The following PBRM1 variants were observed in gnomAD, a reference collection of about 807,000 sequenced individuals.
The protein encoded by PBRM1 is protein polybromo-1.
A neutral mutation model predicts 194.5 loss-of-function variants in PBRM1; 27 were observed. That is an observed-to-expected ratio of 0.14 (90% CI 0.10 to 0.19). PBRM1 has a LOEUF of 0.19. Ranked by LOEUF, PBRM1 falls within the 10% of genes least tolerant of loss-of-function variation. The pLI is 1.00. For missense variants in PBRM1, 1,466 were observed against 2,077.2 expected (o/e 0.71, Z 5.72); for synonymous variants, 655 against 693.2 (o/e 0.94, Z 0.87).
chr3:52,563,939 T>C, intron 23 of PBRM1, 111 bp downstream of exon 25: 1 of 649,038 alleles, frequency 1.5e-6, no homozygotes, highest in South Asian at 2.2e-5. Context: ...CTATTTGAAA[T>C]ATTTACTACT....
chr3:52,563,559 T>C, intron 23 of PBRM1, 66 bp from the exon 26 acceptor site: 2 of 1,119,980 alleles, frequency 1.8e-6, no homozygotes, highest in East Asian at 2.4e-5. Context: ...CGGAAAGCAG[T>C]GTTCCACCTT....
At chr3:52,567,918 G>C (rs1202775794) in intron 22 of PBRM1, among the ~76,000 whole-genome samples, 1 of 151,228 alleles carries the variant, frequency 6.6e-6, no homozygotes, top group East Asian at 1.9e-4. Context: ...CAAACTGCTG[G>C]GATTACAGGT....
At chr3:52,565,495 G>A (rs1368654199) in intron 22 of PBRM1, among the ~76,000 whole-genome samples, 14 of 150,392 alleles carry the variant, frequency 9.3e-5, no homozygotes, top group African/African-American at 3.4e-4. Context: ...GCAATAGAGC[G>A]AGACTCAGTC....
chr3:52,663,925 T>C (rs1420569184), intron 3 of PBRM1, among the ~76,000 whole-genome samples: 4 of 152,018 alleles, frequency 2.6e-5, no homozygotes, highest in Middle Eastern at 6.8e-3. Context: ...CTGGGTGTGG[T>C]GGTGGGTGCC....
intron 16 of PBRM1, among the ~76,000 whole-genome samples, chr3:52,606,722 ATAAT>A (rs2094366523): frequency 1.3e-5 from 2 of 152,368 alleles, no homozygotes; most frequent in South Asian, 4.1e-4. Flanking sequence ...GCAAAAGGAA[ATAAT>A]TAAGAATACA....
In PBRM1 at chr3:52,609,470, A is replaced by C; in HGVS notation, c.2410T>G (p.Leu804Val). 1.2e-6 allele frequency: 2 copies of C among 1,613,924 alleles called. No individual in the cohort carries two copies. The highest frequency in any genetic ancestry group is 1.7e-6 in the Non-Finnish European group (2 of 1,179,780). The change falls in exon 16 of 30, where the codon TTA (leucine) becomes GTA (valine). Residue 804 changes from leucine (L) to valine (V), a missense_variant. Transcript: ENST00000296302. The surrounding 1 kb of genome is among the most constrained non-coding windows in gnomAD (Gnocchi z 4.1). The stretch of plus-strand genomic sequence containing the variant: ...GGATCCACAGCAGGAATTTCTGCTA[A>C]AGAATCGCTGTAGCATCTTCCCTCA...
At chr3:52,638,069 AAATCAT>A (rs1451705777) in intron 10 of PBRM1, among the ~76,000 whole-genome samples, 1 of 152,194 alleles carries the variant, frequency 6.6e-6, no homozygotes, top group Admixed American at 6.5e-5. Flanking sequence ...TCTGCTGAGC[AAATCAT>A]ATGATTTTAC....
At chr3:52,610,343 T>A (rs1242086646) in intron 15 of PBRM1, among the ~76,000 whole-genome samples, 4 of 152,220 alleles carry the variant, frequency 2.6e-5, no homozygotes, top group Non-Finnish European at 5.9e-5. Context: ...ATTGAAAGTA[T>A]CACTATGAAC....
At chr3:52,612,926 T>C (rs1461801978) in intron 15 of PBRM1, among the ~76,000 whole-genome samples, 7 of 145,818 alleles carry the variant, frequency 4.8e-5, no homozygotes, top group Non-Finnish European at 9.0e-5. Context: ...AAAAAAAGAG[T>C]ATAATAATCA....
At chr3:52,640,485 G>A (rs2096030161) in intron 10 of PBRM1, among the ~76,000 whole-genome samples, 1 of 152,004 alleles carries the variant, frequency 6.6e-6, no homozygotes, top group Non-Finnish European at 1.5e-5. Flanking sequence ...TGCCCAGGCT[G>A]GTCTTGAACT....
chr3:52,591,505 GTCTT>G (rs1157510750), intron 17 of PBRM1, among the ~76,000 whole-genome samples: 8 of 114,088 alleles, frequency 7.0e-5, no homozygotes, highest in Non-Finnish European at 1.1e-4. Context: ...TGTAGTTTTT[GTCTT>G]TGTTTTTTTT....
chr3:52,586,913 A>G (rs995229234), intron 19 of PBRM1, among the ~76,000 whole-genome samples: 1 of 152,206 alleles, frequency 6.6e-6, no homozygotes, highest in South Asian at 2.1e-4. Flanking sequence ...AATTATAAAA[A>G]CAAATAATTC....
intron 10 of PBRM1, among the ~76,000 whole-genome samples, chr3:52,635,729 T>C (rs1017452138): frequency 3.9e-5 from 6 of 152,206 alleles, no homozygotes; most frequent in Admixed American, 1.3e-4. Context: ...CTTTCTGAAA[T>C]GTGCTTTCTT....
exon 19 of PBRM1, chr3:52,587,473 T>G: frequency 1.9e-6 from 3 of 1,612,814 alleles, no homozygotes; most frequent in Non-Finnish European, 2.5e-6. Flanking sequence ...ATGTTTCATT[T>G]GGTCGGTAAA....
chr3:52,594,638 C>A (rs1395730863), intron 17 of PBRM1, among the ~76,000 whole-genome samples: 2 of 152,124 alleles, frequency 1.3e-5, no homozygotes, highest in Non-Finnish European at 2.9e-5. Flanking sequence ...GTGTTGTTAG[C>A]TGGAAGCAAT....
intron 18 of PBRM1, 85 bp downstream of exon 20, chr3:52,588,985 A>C (rs2092744992): frequency 2.3e-6 from 2 of 877,636 alleles, no homozygotes; most frequent in African/African-American, 1.7e-5. Flanking sequence ...AAGATGTCTG[A>C]GTTAAAATTT....
At chr3:52,565,570 G>T (rs939257157) in intron 22 of PBRM1, among the ~76,000 whole-genome samples, 1 of 150,398 alleles carries the variant, frequency 6.6e-6, no homozygotes, top group African/African-American at 2.4e-5. Flanking sequence ...ATACTATCAA[G>T]AAAGTGAAAA....
chr3:52,660,336 A>T (rs985463596), intron 4 of PBRM1, among the ~76,000 whole-genome samples: 1 of 152,086 alleles, frequency 6.6e-6, no homozygotes, highest in Non-Finnish European at 1.5e-5. Context: ...GGAAATTCCT[A>T]TTTTTAGCCT....
chr3:52,684,022 G>A (rs977773735), upstream of PBRM1, among the ~76,000 whole-genome samples: 1 of 151,898 alleles, frequency 6.6e-6, no homozygotes, highest in African/African-American at 2.4e-5. Context: ...ATTAAAATTA[G>A]CTGGGTGTGG....
Sources: gnomAD v4.1 joint callset for allele counts (sites outside exome capture counted in the v4.1 genomes callset) on GRCh38, gnomAD v4.1.1 for gene constraint, Gnocchi (gnomAD v3.1) non-coding constraint, MANE v1.5 for transcripts, NCBI Gene and HGNC (gene_info 2026-07-23, HGNC 2026-07-21) for gene names.